The following ADAMTS17 variants were observed in gnomAD, a reference collection of about 807,000 sequenced individuals.
ADAMTS17 encodes the protein A disintegrin and metalloproteinase with thrombospondin motifs 17.
A neutral mutation model predicts 141.5 loss-of-function variants in ADAMTS17; 113 were observed. The observed-to-expected ratio is 0.80, with a 90% CI of 0.69 to 0.93. The LOEUF is 0.93. Ranked by LOEUF, ADAMTS17 falls within the 40% of genes least tolerant of loss-of-function variation. ADAMTS17 has a pLI of 0.00. For synonymous variants in ADAMTS17, 768 were observed against 630.6 expected, an observed-to-expected ratio of 1.22 and a Z score of -3.27; for missense variants, 1,659 against 1,517.9, an observed-to-expected ratio of 1.09 and a Z score of -1.54.
At chr15:100,180,307 G>T (rs990936094) in intron 8 of ADAMTS17, among the ~76,000 whole-genome samples, 1 of 152,114 alleles carries the variant, frequency 6.6e-6, no homozygotes, top group South Asian at 2.1e-4. Flanking sequence ...TGGCACCTTC[G>T]TCAAAAATGA....
intron 18 of ADAMTS17, among the ~76,000 whole-genome samples, chr15:100,047,505 G>T (rs1180910522): frequency 6.6e-6 from 1 of 151,458 alleles, no homozygotes; most frequent in Non-Finnish European, 1.5e-5. Flanking sequence ...TCTCTCTTTT[G>T]TACTCTGTCC....
At chr15:100,256,420 T>A (rs28572432) in intron 6 of ADAMTS17, 2 of 152,082 alleles carry the variant, frequency 1.3e-5, no homozygotes, top group African/African-American at 4.8e-5. Context: ...AGGCATACAG[T>A]TGGGACTTAA....
intron 8 of ADAMTS17, among the ~76,000 whole-genome samples, chr15:100,173,124 C>A (rs1220956303): frequency 1.3e-5 from 2 of 152,192 alleles, no homozygotes; most frequent in African/African-American, 4.8e-5. Flanking sequence ...TGGTCCACAA[C>A]TGGTGAGGAA....
At chr15:100,152,949 T>C (rs148573679) in intron 9 of ADAMTS17, among the ~76,000 whole-genome samples, 187 bp from the exon 10 acceptor site, 690 of 22,394 alleles carry the variant, frequency 0.031, 2 homozygotes, top group African/African-American at 0.048. Context: ...TTTTTCTACA[T>C]GGCCAAATGT....
chr15:100,289,206 A>G (rs1216768837), intron 3 of ADAMTS17, among the ~76,000 whole-genome samples: 6 of 152,210 alleles, frequency 3.9e-5, no homozygotes, highest in Admixed American at 6.5e-5. Flanking sequence ...AAAGACTACT[A>G]TGAACACCTC....
chr15:100,240,059 C>A (rs2042783533), intron 7 of ADAMTS17, among the ~76,000 whole-genome samples: 1 of 152,194 alleles, frequency 6.6e-6, no homozygotes. Flanking sequence ...TGAGCCTGCT[C>A]CACGTGTACC....
At chr15:100,189,357 G>T (rs2040836441) in intron 8 of ADAMTS17, among the ~76,000 whole-genome samples, 1 of 152,200 alleles carries the variant, frequency 6.6e-6, no homozygotes, top group Non-Finnish European at 1.5e-5. Flanking sequence ...GCCGAGTGTG[G>T]ACCAAGCAGC....
intron 18 of ADAMTS17, among the ~76,000 whole-genome samples, chr15:100,019,110 T>C (rs754842265): frequency 1.3e-5 from 2 of 152,194 alleles, no homozygotes; most frequent in Non-Finnish European, 2.9e-5. Context: ...CGAAATCATA[T>C]AGAAAACGAA....
chr15:100,021,166 C>T (rs536815820), intron 18 of ADAMTS17, among the ~76,000 whole-genome samples: 11 of 152,122 alleles, frequency 7.2e-5, no homozygotes, highest in South Asian at 2.1e-4. Flanking sequence ...GGCTTCAGGC[C>T]GATGTGTTCA....
At chr15:100,186,055 C>T (rs977177746) in intron 8 of ADAMTS17, among the ~76,000 whole-genome samples, 3 of 151,990 alleles carry the variant, frequency 2.0e-5, no homozygotes, top group Admixed American at 6.6e-5. Context: ...TGGCAGTGGC[C>T]GCCTAGAGTT....
chr15:100,183,220 C>T (rs2040587121), intron 8 of ADAMTS17, among the ~76,000 whole-genome samples: 1 of 152,108 alleles, frequency 6.6e-6, no homozygotes, highest in Non-Finnish European at 1.5e-5. Context: ...AAGTCCTGAC[C>T]TCAAGTAATC....
intron 18 of ADAMTS17, among the ~76,000 whole-genome samples, chr15:100,036,735 C>T (rs565237995): frequency 6.6e-5 from 10 of 152,262 alleles, no homozygotes; most frequent in Admixed American, 2.0e-4. Context: ...CCCTCACTTC[C>T]ATCCCTCTCC....
intron 18 of ADAMTS17, among the ~76,000 whole-genome samples, chr15:100,031,147 A>AG (rs1326243402): frequency 6.6e-6 from 1 of 152,154 alleles, no homozygotes; most frequent in Non-Finnish European, 1.5e-5. Context: ...GCATGCAGCT[A>AG]GGGGTGAGGT....
intron 15 of ADAMTS17, among the ~76,000 whole-genome samples, chr15:100,064,521 CT>C (rs1437337672): frequency 1.3e-5 from 2 of 152,218 alleles, no homozygotes; most frequent in African/African-American, 4.8e-5. Context: ...GTATTTTGAA[CT>C]TTCCCTGAAC....
At chr15:99,981,694 GA>G (rs1366806218) in intron 20 of ADAMTS17, among the ~76,000 whole-genome samples, 1 of 152,198 alleles carries the variant, frequency 6.6e-6, no homozygotes, top group Non-Finnish European at 1.5e-5. Flanking sequence ...CAGTTTGGAA[GA>G]CAAACCGTTA....
At chr15:100,105,239 T>TAGGC (rs1157962874) in intron 14 of ADAMTS17, among the ~76,000 whole-genome samples, 1 of 152,142 alleles carries the variant, frequency 6.6e-6, no homozygotes, top group African/African-American at 2.4e-5. Flanking sequence ...CGAGAATTGG[T>TAGGC]AGGCAGGGTC....
chr15:100,230,219 C>G (rs933396281), intron 7 of ADAMTS17, among the ~76,000 whole-genome samples: 1 of 152,220 alleles, frequency 6.6e-6, no homozygotes, highest in Non-Finnish European at 1.5e-5. Flanking sequence ...ACGAATGACA[C>G]CCGCGGTGCA....
intron 3 of ADAMTS17, among the ~76,000 whole-genome samples, chr15:100,307,205 C>A (rs943865771): frequency 6.6e-6 from 1 of 152,258 alleles, no homozygotes; most frequent in South Asian, 2.1e-4. Flanking sequence ...TGTGTGATGA[C>A]CACGTTATAG....
At chr15:100,096,929 C>A (rs2035796999) in intron 14 of ADAMTS17, among the ~76,000 whole-genome samples, 4 of 152,230 alleles carry the variant, frequency 2.6e-5, no homozygotes, top group South Asian at 2.1e-4. Flanking sequence ...TCAGAACATA[C>A]AACAGAAACC....
Sources: gnomAD v4.1 joint callset for allele counts (sites outside exome capture counted in the v4.1 genomes callset) on GRCh38, gnomAD v4.1.1 for gene constraint, MANE v1.5 for transcripts, NCBI Gene and HGNC (gene_info 2026-07-23, HGNC 2026-07-21) for gene names.